NOX4: variants seen among roughly 807,000 people sequenced by gnomAD.
NOX4 encodes NADPH oxidase 4.
NOX4 carries 69 observed loss-of-function variants against 87.6 expected under a neutral mutation model. The observed-to-expected ratio is 0.79, with a 90% CI of 0.65 to 0.96. The LOEUF is 0.96. Among genes scored for constraint, NOX4 ranks in the 40% least tolerant of loss-of-function variants. NOX4 has a pLI of 0.00. For missense variants in NOX4, 680 were observed against 681.5 expected (o/e 1.00, Z 0.02); for synonymous variants, 275 against 238.2 (o/e 1.15, Z -1.42).
chr11:89,493,229 AC>A (rs541082022), upstream of NOX4, among the ~76,000 whole-genome samples: 1 of 152,172 alleles, frequency 6.6e-6, no homozygotes, highest in African/African-American at 2.4e-5. Context: ...TACTAAAAAT[AC>A]AAAAATTAGC....
chr11:89,450,108 T>C (rs998660521), intron 3 of NOX4, among the ~76,000 whole-genome samples: 1 of 152,178 alleles, frequency 6.6e-6, no homozygotes, highest in African/African-American at 2.4e-5. Context: ...GATTAAATAC[T>C]GAGAGACTTA....
At chr11:89,508,631 G>T in the NOX4 span, among the ~76,000 whole-genome samples, 1 of 152,098 alleles carries the variant, frequency 6.6e-6, no homozygotes, top group African/African-American at 2.4e-5. Context: ...TGGAGAGGAC[G>T]GATATGAGGA....
chr11:89,387,963 A>T (rs1024922469), intron 11 of NOX4, among the ~76,000 whole-genome samples: 14 of 152,190 alleles, frequency 9.2e-5, no homozygotes, highest in African/African-American at 3.4e-4. Context: ...AAAGGTGTAA[A>T]GCAGGAGAAG....
chr11:89,398,034 T>C (rs1027522652), intron 11 of NOX4, among the ~76,000 whole-genome samples: 4 of 151,944 alleles, frequency 2.6e-5, no homozygotes, highest in Non-Finnish European at 5.9e-5. Flanking sequence ...TGTAGACCAA[T>C]ATCCCTGATG....
At chr11:89,499,902 GA>G (rs1429290654), upstream of NOX4, among the ~76,000 whole-genome samples, 1 of 152,004 alleles carries the variant, frequency 6.6e-6, no homozygotes, top group African/African-American at 2.4e-5. Context: ...TCTAACCTTG[GA>G]CTTCAATACT....
intron 1 of NOX4, among the ~76,000 whole-genome samples, chr11:89,497,535 T>C (rs1359602216): frequency 6.6e-6 from 1 of 152,208 alleles, no homozygotes; most frequent in Non-Finnish European, 1.5e-5. Flanking sequence ...GCATCATAAC[T>C]TTTAGTTACA....
At chr11:89,371,195 A>G (rs995355645) in intron 12 of NOX4, among the ~76,000 whole-genome samples, 13 of 151,964 alleles carry the variant, frequency 8.6e-5, no homozygotes, top group Non-Finnish European at 1.9e-4. Flanking sequence ...TCTTTGAACT[A>G]AAGTGTCAGA....
chr11:89,345,597 C>G (rs1434918972), intron 13 of NOX4, among the ~76,000 whole-genome samples: 2 of 152,134 alleles, frequency 1.3e-5, no homozygotes, highest in Non-Finnish European at 2.9e-5. Context: ...CCTCCCACAT[C>G]TTGTATTCCC....
At chr11:89,577,001 T>C in the NOX4 span, 2 of 152,114 alleles carry the variant, frequency 1.3e-5, no homozygotes, top group Admixed American at 1.3e-4. Flanking sequence ...GAGGCTGAGA[T>C]GTCTTGTCAG....
At chr11:89,547,755 G>C in the NOX4 span, among the ~76,000 whole-genome samples, 3 of 152,028 alleles carry the variant, frequency 2.0e-5, no homozygotes, top group African/African-American at 7.2e-5. Context: ...TAATTGAGAA[G>C]AGTTTAAGGA....
At chr11:89,418,631 A>T (rs1294265723) in intron 8 of NOX4, among the ~76,000 whole-genome samples, 1 of 151,882 alleles carries the variant, frequency 6.6e-6, no homozygotes, top group Non-Finnish European at 1.5e-5. Context: ...TGGGCGACTT[A>T]ACTTCCATGG....
rs756295609 is a variant in NOX4, at chr11:89,491,282, C to T, written c.-36G>A. 1.6e-5 allele frequency: 26 copies of T among 1,598,724 alleles called. No individual in the cohort carries two copies. The highest frequency in any genetic ancestry group is 9.0e-5 in the East Asian group (4 of 44,490). Reference sequence around the variant, plus strand: ...CCGCCGCGCTGCGCTCTGTGCCCGCCGGACCGAGAAGGAGCGGGCGGCGGC... The same window carrying T: ...CCGCCGCGCTGCGCTCTGTGCCCGCTGGACCGAGAAGGAGCGGGCGGCGGC... On this transcript the variant is annotated 5_prime_UTR_variant, in exon 1 of 18. Coordinates refer to ENST00000263317, the MANE Select transcript of NOX4 (RefSeq NM_016931.5).
intron 11 of NOX4, among the ~76,000 whole-genome samples, chr11:89,392,553 A>G (rs1941203837): frequency 6.6e-6 from 1 of 152,192 alleles, no homozygotes. Flanking sequence ...ACAGGGGGAA[A>G]GAACAAACCT....
chr11:89,420,375 C>A (rs191707919), intron 8 of NOX4, among the ~76,000 whole-genome samples: 14 of 152,130 alleles, frequency 9.2e-5, no homozygotes, highest in African/African-American at 3.1e-4. Flanking sequence ...TCTTCAGGAG[C>A]ATAGCCCTGG....
At chr11:89,526,396 CCCTGAA>C in the NOX4 span, among the ~76,000 whole-genome samples, 1 of 152,120 alleles carries the variant, frequency 6.6e-6, no homozygotes, top group African/African-American at 2.4e-5. Context: ...GAACATGTTT[CCCTGAA>C]CTTTGATCTC....
chr11:89,530,090 A>G, the NOX4 span, among the ~76,000 whole-genome samples: 5 of 152,092 alleles, frequency 3.3e-5, no homozygotes, highest in Non-Finnish European at 7.4e-5. Flanking sequence ...CTACAATATT[A>G]CAAATAAAAA....
At chr11:89,396,415 G>C (rs1941488125) in intron 11 of NOX4, among the ~76,000 whole-genome samples, 1 of 152,028 alleles carries the variant, frequency 6.6e-6, no homozygotes, top group Non-Finnish European at 1.5e-5. Flanking sequence ...CTGAGACGAT[G>C]GGGTTTTCTA....
upstream of NOX4, among the ~76,000 whole-genome samples, chr11:89,496,606 A>G (rs1946955418): frequency 6.6e-6 from 1 of 151,980 alleles, no homozygotes; most frequent in Non-Finnish European, 1.5e-5. Context: ...AAAAATAAAT[A>G]CAAACCAACA....
At chr11:89,547,929 T>C in the NOX4 span, among the ~76,000 whole-genome samples, 1 of 151,750 alleles carries the variant, frequency 6.6e-6, no homozygotes, top group Non-Finnish European at 1.5e-5. Context: ...CCACATTCTA[T>C]CCCCACATGA....
Sources: gnomAD v4.1 joint callset for allele counts (sites outside exome capture counted in the v4.1 genomes callset) on GRCh38, gnomAD v4.1.1 for gene constraint, MANE v1.5 for transcripts, NCBI Gene and HGNC (gene_info 2026-07-23, HGNC 2026-07-21) for gene names.